The following ADPRHL1 variants were observed in gnomAD, a reference collection of about 807,000 sequenced individuals.
ADPRHL1 encodes the protein ADP-ribosylhydrolase like 1.
Under a neutral mutation model 44.1 loss-of-function variants are expected in ADPRHL1, and 43 were observed. That is an observed-to-expected ratio of 0.98 (90% CI 0.76 to 1.26). The LOEUF (loss-of-function observed/expected upper bound fraction) is 1.26. Among genes scored for constraint, ADPRHL1 ranks in the 50% most tolerant of loss-of-function variants. The pLI, the probability that ADPRHL1 is intolerant of heterozygous loss-of-function variation, is 0.00. For synonymous variants in ADPRHL1, 878 were observed against 1,017.4 expected, an observed-to-expected ratio of 0.86 and a Z score of 2.61; for missense variants, 2,022 against 2,496.9, an observed-to-expected ratio of 0.81 and a Z score of 4.05.
chr13:113,420,057 G>A (rs1042445287), intron 7 of ADPRHL1, among the ~76,000 whole-genome samples: 2 of 151,810 alleles, frequency 1.3e-5, no homozygotes, highest in South Asian at 2.1e-4. Context: ...TATCTGGGTG[G>A]TTGGAAGCAG....
Position 113,405,736 on chromosome 13 carries a change from C to A in ADPRHL1, c.3546G>T (p.Glu1182Asp). The A allele has an allele frequency of 4.1e-6, 5 of 1,231,840 alleles. No homozygotes were observed. Among genetic ancestry groups the A allele is most frequent in the Non-Finnish European group, 4.0e-6 (4 of 988,042 alleles). The allele number at this position is 1,231,840 out of a possible 1,614,324, so 76.3% of individuals were successfully genotyped here. Reference sequence around the variant, plus strand: ...TCCTCCCTGCTGCTCCACTCTTGGGCTCCAAGGATCCCCCAGGGGCCAGGA... The same window carrying A: ...TCCTCCCTGCTGCTCCACTCTTGGGATCCAAGGATCCCCCAGGGGCCAGGA... ...HGLLAPGGSL[E>D]PKSGAAGRSL... Residue 1182 changes from glutamate (E) to aspartate (D), a missense_variant, in exon 8 of 8, where the codon GAG (glutamate) becomes GAT (aspartate). By Grantham distance (45) the Glu-to-Asp change is conservative. Around this residue, in one of 8 missense-constraint regions of ADPRHL1, gnomAD observed 1,221 missense variants for 1,517.8 expected, o/e 0.80. Coordinates refer to ENST00000612156, the MANE Select transcript of ADPRHL1 (RefSeq NM_001394807.1).
At chr13:113,448,938 G>A (rs1055280024) in intron 1 of ADPRHL1, 24 of 985,276 alleles carry the variant, frequency 2.4e-5, no homozygotes, top group South Asian at 9.4e-5. Flanking sequence ...CTGCATACCC[G>A]AGCAATGGCC....
chr13:113,428,829 G>A (rs760106937), intron 4 of ADPRHL1, 123 bp downstream of exon 4: 82 of 1,456,270 alleles, frequency 5.6e-5, no homozygotes, highest in East Asian at 1.6e-4. Context: ...CACATGGCCC[G>A]GACAGGGCCC....
intron 3 of ADPRHL1, 70 bp downstream of exon 3, chr13:113,433,672 T>G (rs1280002620): frequency 7.8e-6 from 11 of 1,401,442 alleles, no homozygotes; most frequent in East Asian, 2.9e-5. Context: ...ACACTTAACC[T>G]GTGAGGTGGT....
At chr13:113,442,211 T>C (rs2044104337) in intron 2 of ADPRHL1, among the ~76,000 whole-genome samples, 1 of 152,192 alleles carries the variant, frequency 6.6e-6, no homozygotes, top group Admixed American at 6.5e-5. Flanking sequence ...TCTCAGCATT[T>C]TGGGAGGCTA....
At position 113,407,720 on chromosome 13, in the gene ADPRHL1, T is replaced by G; in HGVS notation, c.1562A>C (p.Glu521Ala). ...CTCCACAGGGGGCTTCTCGCGTGCT[T>G]CTTTCTCCTTCGCCTCCTTCTCCTC... is the stretch of plus-strand genomic sequence containing the variant. Reference protein sequence around the residue: ...AAEEKEAKEKEAREKPPVERP... With the variant: ...AAEEKEAKEKAAREKPPVERP... The change falls in exon 8 of 8, where the codon GAA becomes GCA. Residue 521 changes from glutamate (E) to alanine (A), a missense_variant. Transcript: ENST00000612156. 1 of 1,232,098 alleles carries G rather than the reference T, an allele frequency of 8.1e-7. No homozygotes were observed. Among genetic ancestry groups the G allele is most frequent in the Non-Finnish European group, 1.0e-6 (1 of 988,014 alleles). 76.3% of individuals were successfully genotyped at this position (1,232,098 alleles called of 1,614,324 possible). A position where few individuals can be genotyped will look rare whatever the true frequency, so the allele number is the denominator to read the frequency against.
chr13:113,438,122 C>T (rs61968983), intron 2 of ADPRHL1, among the ~76,000 whole-genome samples: 4 of 152,020 alleles, frequency 2.6e-5, no homozygotes, highest in Admixed American at 6.6e-5. Context: ...TGAGCCACCA[C>T]GCCTGGCAGA....
Position 113,405,877 on chromosome 13 carries a change from G to A in ADPRHL1, c.3405C>T (p.Ser1135=), listed in dbSNP as rs2043804623. 8 of 1,231,990 alleles carry A rather than the reference G, an allele frequency of 6.5e-6. No individual in the cohort carries two copies. The South Asian group carries it at 2.9e-4, about 44-fold the overall frequency. 76.3% of individuals were successfully genotyped at this position (1,231,990 alleles called of 1,614,324 possible). A position where few individuals can be genotyped will look rare whatever the true frequency, so the allele number is the denominator to read the frequency against. Residue 1135 remains serine (S), a synonymous_variant, in exon 8 of 8, where the codon AGC becomes AGT. Coordinates refer to ENST00000612156, the MANE Select transcript of ADPRHL1 (RefSeq NM_001394807.1). ...GCTCTCCCGCTGTGCGGTCTCCAGG[G>A]CTCTGGGTGCTGCCTGGCGCTGGTG... The part of the protein sequence containing the change: ...TPAPAPGSTQ[S]PGDRTAGEPE...
In ADPRHL1 at chr13:113,424,240, C is replaced by T. The variant is rs750416511; in HGVS notation, c.884G>A (p.Cys295Tyr). The change falls in exon 6 of 8, where the codon TGT becomes TAT. Residue 295 changes from cysteine (C) to tyrosine (Y), a missense_variant. Cys to Tyr is a radical substitution (Grantham distance 194). Coordinates refer to ENST00000612156, the MANE Select transcript of ADPRHL1 (RefSeq NM_001394807.1). ...LAAGNSWTEL[C>Y]HRAMFHGGES... The stretch of plus-strand genomic sequence containing the variant: ...ACCTCCATGAAACATGGCCCGGTGA[C>T]ACAGCTCAGTCCAGCTGTTTCCTGC... The T allele has an allele frequency of 6.2e-7, 1 of 1,612,854 alleles. No individual in the cohort carries two copies. The highest frequency in any genetic ancestry group is 8.5e-7 in the Non-Finnish European group (1 of 1,179,848).
At chr13:113,419,115 TTTC>T (rs1159276214) in intron 7 of ADPRHL1, among the ~76,000 whole-genome samples, 25 of 3,164 alleles carry the variant, frequency 7.9e-3, no homozygotes, top group Non-Finnish European at 0.018. Flanking sequence ...TTTTTCTTTC[TTTC>T]TTTTTTTTTT....
At chr13:113,416,327 C>T (rs537522453) in intron 7 of ADPRHL1, among the ~76,000 whole-genome samples, 2 of 152,122 alleles carry the variant, frequency 1.3e-5, no homozygotes, top group Non-Finnish European at 2.9e-5. Context: ...TACATAAGAT[C>T]TTATATGTGA....
intron 3 of ADPRHL1, among the ~76,000 whole-genome samples, chr13:113,432,969 A>G (rs56141789): frequency 0.11 from 16,168 of 152,088 alleles, 908 homozygotes; most frequent in Middle Eastern, 0.13. Context: ...TACCGCAGCC[A>G]CCCCAGCCTG....
At position 113,405,109 on chromosome 13, in the gene ADPRHL1, C is replaced by A. The variant is rs941361864; in HGVS notation, c.4173G>T (p.Gln1391His). 1.5e-4 allele frequency: 186 copies of A among 1,232,104 alleles called. No individual in the cohort carries two copies. Among genetic ancestry groups the A allele is most frequent in the Non-Finnish European group, 1.8e-4 (181 of 988,348 alleles). 76.3% of individuals were successfully genotyped at this position (1,232,104 alleles called of 1,614,324 possible). A position where few individuals can be genotyped will look rare whatever the true frequency, so the allele number is the denominator to read the frequency against. ...CCACCCTCTTCCCCGCATCCCCGGG[C>A]TGGGGGGTCTCCTCCTGTGCCTGGT... The part of the protein sequence containing the change: ...QSHQAQEETP[Q>H]PGDAGKRVAP... Residue 1391 changes from glutamine to histidine, a missense_variant, in exon 8 of 8, where the codon CAG becomes CAT. By Grantham distance (24) the Gln-to-His change is conservative. This residue lies in a region of ADPRHL1 where 1,221 missense variants were observed against 1,517.8 expected (regional missense o/e 0.80). Coordinates refer to ENST00000612156, the MANE Select transcript of ADPRHL1 (RefSeq NM_001394807.1).
intron 2 of ADPRHL1, among the ~76,000 whole-genome samples, chr13:113,440,180 G>C (rs2044087415): frequency 6.6e-6 from 1 of 152,164 alleles, no homozygotes; most frequent in South Asian, 2.1e-4. Flanking sequence ...CCAATGGCTG[G>C]AGACCTTCAT....
intron 1 of ADPRHL1, among the ~76,000 whole-genome samples, chr13:113,451,919 G>A (rs1015327646): frequency 9.9e-5 from 15 of 152,146 alleles, no homozygotes; most frequent in East Asian, 1.9e-4. Context: ...GTCCTGTGCC[G>A]CTGCCCTCCC....
intron 7 of ADPRHL1, among the ~76,000 whole-genome samples, chr13:113,419,118 C>CT (rs61165256): frequency 0.95 from 59,885 of 62,972 alleles, 28,711 homozygotes; most frequent in Non-Finnish European, 0.98. Context: ...TTCTTTCTTT[C>CT]TTTTTTTTTT....
intron 7 of ADPRHL1, among the ~76,000 whole-genome samples, chr13:113,419,014 T>TCCTCCCTC (rs2043901067): frequency 6.6e-5 from 3 of 45,418 alleles, no homozygotes; most frequent in South Asian, 7.4e-4. Context: ...CTCCCTCCCT[T>TCCTCCCTC]CCTTCCTTTC....
At chr13:113,433,504 A>C (rs1317548868) in intron 3 of ADPRHL1, among the ~76,000 whole-genome samples, 1 of 152,132 alleles carries the variant, frequency 6.6e-6, no homozygotes, top group Admixed American at 6.5e-5. Flanking sequence ...CAACTCCCCC[A>C]ACAAATAAAA....
chr13:113,421,500 G>A (rs1314632598), intron 7 of ADPRHL1, among the ~76,000 whole-genome samples: 4 of 151,860 alleles, frequency 2.6e-5, no homozygotes, highest in Non-Finnish European at 5.9e-5. Flanking sequence ...CCTGGGACAC[G>A]CCTGCTCCTT....
Sources: allele counts gnomAD v4.1 joint callset (sites outside exome capture counted in the v4.1 genomes callset), GRCh38; gene constraint gnomAD v4.1.1; regional missense constraint gnomAD v4.1.1; transcripts MANE v1.5; gene names NCBI Gene and HGNC (gene_info 2026-07-23, HGNC 2026-07-21).